Variants in PAN3 observed in about 807,000 individuals in gnomAD.
The protein encoded by PAN3 is poly(A) specific ribonuclease subunit PAN3.
Under a neutral mutation model 96.2 loss-of-function variants are expected in PAN3, and 19 were observed. The ratio of observed to expected loss-of-function variants is 0.20; its 90% CI spans 0.14 to 0.29. The LOEUF (loss-of-function observed/expected upper bound fraction) is 0.29. Among genes scored for constraint, PAN3 ranks in the 10% least tolerant of loss-of-function variants. PAN3 has a pLI of 1.00. For missense variants in PAN3, 882 were observed against 1,108.1 expected, an observed-to-expected ratio of 0.80 and a Z score of 2.90; for synonymous variants, 433 against 406.6, an observed-to-expected ratio of 1.06 and a Z score of -0.78.
intron 14 of PAN3, among the ~76,000 whole-genome samples, chr13:28,273,563 T>C (rs567736873): frequency 6.6e-6 from 1 of 151,696 alleles, no homozygotes; most frequent in Non-Finnish European, 1.5e-5. Context: ...ATCGCACCAC[T>C]GCACTCCTGC....
chr13:28,280,681 C>T, intron 16 of PAN3, 140 bp downstream of exon 16: 3 of 714,136 alleles, frequency 4.2e-6, no homozygotes, highest in Non-Finnish European at 6.4e-6. Context: ...CCTGCCTCAG[C>T]CTCCCAAGTA....
chr13:28,292,524 A>C lies in PAN3; in HGVS notation c.*2A>C. The stretch of plus-strand genomic sequence containing the variant: ...GCAGCTGCAAATGGTCAGTTGTAGT[A>C]TTTGCTAAAAAAGCACGCAGGACAT... On this transcript the variant is annotated 3_prime_UTR_variant, in exon 19 of 19. Coordinates refer to ENST00000380958, the MANE Select transcript of PAN3 (RefSeq NM_175854.8). The C allele has an allele frequency of 6.2e-7, 1 of 1,605,012 alleles. No individual in the cohort carries two copies. The highest frequency in any genetic ancestry group is 8.5e-7 in the Non-Finnish European group (1 of 1,176,782).
chr13:28,225,729 C>T, intron 6 of PAN3, among the ~76,000 whole-genome samples: 1 of 152,186 alleles, frequency 6.6e-6, no homozygotes, highest in East Asian at 1.9e-4. Flanking sequence ...TTGTCCTAGT[C>T]CTCTCCTTTT....
chr13:28,272,988 A>C (rs997415301), intron 14 of PAN3, among the ~76,000 whole-genome samples: 1 of 152,218 alleles, frequency 6.6e-6, no homozygotes, highest in Non-Finnish European at 1.5e-5. Context: ...GGATTATATT[A>C]AATGACACCC....
intron 5 of PAN3, among the ~76,000 whole-genome samples, chr13:28,200,676 G>A (rs1878588091): frequency 6.6e-6 from 1 of 152,170 alleles, no homozygotes; most frequent in Non-Finnish European, 1.5e-5. Flanking sequence ...AAATACATAT[G>A]TGGAGCTGCT....
chr13:28,269,385 C>T (rs551457156), intron 12 of PAN3, among the ~76,000 whole-genome samples: 20 of 151,524 alleles, frequency 1.3e-4, no homozygotes, highest in Middle Eastern at 3.4e-3. Context: ...TTTGAGTAGT[C>T]GTAACTTCCC....
intron 17 of PAN3, among the ~76,000 whole-genome samples, chr13:28,287,683 GAAGAT>G (rs571334332): frequency 3.2e-4 from 48 of 152,326 alleles, no homozygotes; most frequent in African/African-American, 1.1e-3. Context: ...GAAGAGAAGA[GAAGAT>G]ATTTAAAGAT....
intron 5 of PAN3, chr13:28,214,513 C>A: frequency 3.7e-6 from 1 of 268,236 alleles, no homozygotes; most frequent in South Asian, 4.2e-5. Context: ...CCCCTAACAG[C>A]CAAAATGGGA....
At chr13:28,151,085 G>A (rs1258345129) in intron 1 of PAN3, among the ~76,000 whole-genome samples, 1 of 152,190 alleles carries the variant, frequency 6.6e-6, no homozygotes, top group Non-Finnish European at 1.5e-5. Flanking sequence ...TGATAGCCAA[G>A]CCAGTCATCA....
intron 12 of PAN3, among the ~76,000 whole-genome samples, chr13:28,268,656 C>T (rs1306519361): frequency 1.3e-5 from 2 of 151,912 alleles, no homozygotes; most frequent in Non-Finnish European, 2.9e-5. Flanking sequence ...AGCAGCATCA[C>T]GTTATTATGC....
intron 1 of PAN3, among the ~76,000 whole-genome samples, chr13:28,145,708 G>T (rs904643074): frequency 2.7e-5 from 4 of 149,780 alleles, no homozygotes; most frequent in Non-Finnish European, 5.9e-5. Context: ...CTCCTGCCTT[G>T]GTCTCTGAAG....
chr13:28,292,640 AG>A lies in PAN3; in HGVS notation c.*119del. On this transcript the variant is annotated 3_prime_UTR_variant, in exon 19 of 19. Coordinates refer to ENST00000380958, the MANE Select transcript of PAN3 (RefSeq NM_175854.8). ...TGGGAAACGAACAGGAGATGAGCAA[AG>A]CTGCTTGCACTTCAGTCAGGTACAC... 1 of 1,005,982 alleles carries A rather than the reference AG, an allele frequency of 9.9e-7. No individual in the cohort carries two copies. The highest frequency in any genetic ancestry group is 1.4e-6 in the Non-Finnish European group (1 of 724,876). The allele number at this position is 1,005,982 out of a possible 1,614,324, so 62.3% of individuals were successfully genotyped here.
chr13:28,270,707 A>G lies in PAN3; in HGVS notation c.1799A>G (p.His600Arg). The change falls in exon 13 of 19, where the codon CAC becomes CGC. Residue 600 changes from histidine to arginine, a missense_variant. Physicochemically the swap from His to Arg is conservative, Grantham distance 29. This residue lies in a region of PAN3 where 364 missense variants were observed against 513.6 expected (regional missense o/e 0.71). Coordinates refer to ENST00000380958, the MANE Select transcript of PAN3 (RefSeq NM_175854.8). ...AYFTKRKWGQHEGPLPRQHAG... is the reference protein window; with the variant it reads ...AYFTKRKWGQREGPLPRQHAG... ...GGATTTCTTTGCTGTATAGGTCAGC[A>G]CGAGGGACCATTGCCCAGGCAGCAT... The G allele has an allele frequency of 6.2e-7, 1 of 1,613,906 alleles. No homozygotes were observed. The highest frequency in any genetic ancestry group is 8.5e-7 in the Non-Finnish European group (1 of 1,179,846).
At chr13:28,144,718 CTTTTTTTTT>C (rs1555267660) in intron 1 of PAN3, among the ~76,000 whole-genome samples, 4 of 46,776 alleles carry the variant, frequency 8.6e-5, no homozygotes, top group South Asian at 1.1e-3. Context: ...AAAACATCAT[CTTTTTTTTT>C]TTTTTTTTTT....
intron 12 of PAN3, among the ~76,000 whole-genome samples, chr13:28,268,960 G>A (rs761370510): frequency 6.6e-6 from 1 of 151,976 alleles, no homozygotes; most frequent in Non-Finnish European, 1.5e-5. Flanking sequence ...AAGGGGATGT[G>A]GTACAACTAT....
chr13:28,252,789 T>C (rs1884840962), intron 6 of PAN3, among the ~76,000 whole-genome samples: 1 of 152,080 alleles, frequency 6.6e-6, no homozygotes, highest in East Asian at 1.9e-4. Flanking sequence ...AAAAATGAAA[T>C]ACGAAAGTGA....
At chr13:28,200,863 A>G (rs971613206) in intron 5 of PAN3, among the ~76,000 whole-genome samples, 2 of 152,294 alleles carry the variant, frequency 1.3e-5, no homozygotes, top group East Asian at 3.9e-4. Context: ...TTTTCTCTAA[A>G]TTTCCTTACC....
chr13:28,261,065 A>G (rs1156691336), intron 8 of PAN3, among the ~76,000 whole-genome samples: 2 of 152,162 alleles, frequency 1.3e-5, no homozygotes, highest in Non-Finnish European at 2.9e-5. Flanking sequence ...AGTGAGTTCT[A>G]CCAGTATAGT....
intron 17 of PAN3, among the ~76,000 whole-genome samples, chr13:28,286,104 G>T (rs1364694974): frequency 6.6e-6 from 1 of 152,218 alleles, no homozygotes; most frequent in Non-Finnish European, 1.5e-5. Context: ...TGATAAAGCA[G>T]TGTGATGTTG....
Sources: allele counts gnomAD v4.1 joint callset (sites outside exome capture counted in the v4.1 genomes callset), GRCh38; gene constraint gnomAD v4.1.1; regional missense constraint gnomAD v4.1.1; transcripts MANE v1.5; gene names NCBI Gene and HGNC (gene_info 2026-07-23, HGNC 2026-07-21).